Variants in KRTAP3-2 observed in about 807,000 individuals in gnomAD.
KRTAP3-2 encodes keratin-associated protein 3-2.
In KRTAP3-2, 2 loss-of-function variants were observed where a neutral mutation model predicts 5.4. That is an observed-to-expected ratio of 0.37 (90% CI 0.15 to 1.17). KRTAP3-2 has a LOEUF of 1.17. Ranked by LOEUF, KRTAP3-2 falls within the 50% of genes most tolerant of loss-of-function variation. KRTAP3-2 has a pLI of 0.37. For synonymous variants in KRTAP3-2, 49 were observed against 48.0 expected, an observed-to-expected ratio of 1.02 and a Z score of -0.08; for missense variants, 113 against 122.0, an observed-to-expected ratio of 0.93 and a Z score of 0.35.
rs1204422659 is a variant in KRTAP3-2 at position 40,999,765 on chromosome 17, A to G, written c.89T>C (p.Val30Ala). The part of the protein sequence containing the change: ...CSSDKSCRCG[V>A]CLPSTCPHTV... The stretch of plus-strand genomic sequence containing the variant: ...GTGTGGGCAGGTGCTGGGCAGGCAG[A>G]CTCCACAGCGGCAGGATTTGTCGGA... Residue 30 changes from valine to alanine, a missense_variant, in exon 1 of 1, where the codon GTC (valine) becomes GCC (alanine). Physicochemically the swap from Val to Ala is moderately conservative, Grantham distance 64. Transcript: ENST00000391587. 23 of 1,613,710 alleles carry G rather than the reference A, an allele frequency of 1.4e-5. No individual in the cohort carries two copies. Among genetic ancestry groups the G allele is most frequent in the Non-Finnish European group, 1.9e-5 (22 of 1,179,922 alleles).
chr17:40,999,269 G>GAAAATACCCAGTACA lies in KRTAP3-2; in HGVS notation c.*287_*288insTGTACTGGGTATTTT. 2.5e-6 allele frequency: 1 copy of GAAAATACCCAGTACA among 397,960 alleles called. No individual in the cohort carries two copies. The allele number at this position is 397,960 out of a possible 1,614,324, so 24.7% of individuals were successfully genotyped here. On this transcript the variant is annotated 3_prime_UTR_variant, in exon 1 of 1. Transcript: ENST00000391587. ...TGAAAATACCCAGTACAAGAAACAA[G>GAAAATACCCAGTACA]AGCCAGGAAGCAATATGATCAAGAA...
chr17:40,999,839 G>A lies in KRTAP3-2; in HGVS notation c.15C>T (p.Ala5=), dbSNP rs1455583920. 12 of 1,614,098 alleles carry A rather than the reference G, an allele frequency of 7.4e-6. No individual in the cohort carries two copies. The highest frequency in any genetic ancestry group is 3.3e-5 in the Admixed American group (2 of 60,026). MDCC[A]SRSCSVPTGP... ...CAGTGGGGACACTGCAGCTGCGAGAGGCACAGCAATCCATGGCAATGGGCG... is the reference window on the plus strand; with the variant it reads ...CAGTGGGGACACTGCAGCTGCGAGAAGCACAGCAATCCATGGCAATGGGCG... Residue 5 remains alanine (A), a synonymous_variant, in exon 1 of 1, where the codon GCC becomes GCT. Coordinates refer to ENST00000391587, the MANE Select transcript of KRTAP3-2 (RefSeq NM_031959.3).
rs548322379 is a variant in KRTAP3-2 at position 40,999,833 on chromosome 17, G to A, written c.21C>T (p.Arg7=). Residue 7 remains arginine (R), a synonymous_variant, in exon 1 of 1, where the codon CGC becomes CGT. Transcript: ENST00000391587. ...CAGGCCCAGTGGGGACACTGCAGCTGCGAGAGGCACAGCAATCCATGGCAA... is the reference window on the plus strand; with the variant it reads ...CAGGCCCAGTGGGGACACTGCAGCTACGAGAGGCACAGCAATCCATGGCAA... MDCCAS[R]SCSVPTGPAT... The A allele has an allele frequency of 6.2e-7, 1 of 1,613,862 alleles. No individual in the cohort carries two copies. Among genetic ancestry groups the A allele is most frequent in the Non-Finnish European group, 8.5e-7 (1 of 1,180,004 alleles).
In KRTAP3-2 at chr17:40,999,905, A is replaced by G. The variant is rs780183136; in HGVS notation, c.-52T>C. On this transcript the variant is annotated 5_prime_UTR_variant, in exon 1 of 1. Transcript: ENST00000391587. Reference sequence around the variant, plus strand: ...GTTTCTTAGATGAGGATTCTGAGGTACAAATGTCTCCTCTTTTGTTAGGGC... The same window carrying G: ...GTTTCTTAGATGAGGATTCTGAGGTGCAAATGTCTCCTCTTTTGTTAGGGC... The G allele has an allele frequency of 1.9e-6, 3 of 1,599,842 alleles. No individual in the cohort carries two copies. The highest frequency in any genetic ancestry group is 2.6e-6 in the Non-Finnish European group (3 of 1,171,378).
Position 40,999,649 on chromosome 17 carries a change from T to C in KRTAP3-2, c.205A>G (p.Asn69Asp). ...QPCVPTCFLL[N>D]SCQPTPGLET... Reference sequence around the variant, plus strand: ...AGGCCCGGAGTTGGCTGGCAGGAGTTGAGCAGGAAGCAGGTGGGCACGCAG... The same window carrying C: ...AGGCCCGGAGTTGGCTGGCAGGAGTCGAGCAGGAAGCAGGTGGGCACGCAG... The change falls in exon 1 of 1, where the codon AAC becomes GAC. Residue 69 changes from asparagine (N) to aspartate (D), a missense_variant. Transcript: ENST00000391587. 1 of 1,613,848 alleles carries C rather than the reference T, an allele frequency of 6.2e-7. No homozygotes were observed. Among genetic ancestry groups the C allele is most frequent in the Non-Finnish European group, 8.5e-7 (1 of 1,179,922 alleles).
At position 40,999,814 on chromosome 17, in the gene KRTAP3-2, C is replaced by T. The variant is rs1229520574; in HGVS notation, c.40G>A (p.Gly14Arg). 3 of 1,614,094 alleles carry T rather than the reference C, an allele frequency of 1.9e-6. No individual in the cohort carries two copies. The highest frequency in any genetic ancestry group is 1.1e-5 in the South Asian group (1 of 91,072). ...GAGGAGCAGATGGTGGTGGCAGGCCCAGTGGGGACACTGCAGCTGCGAGAG... is the reference window on the plus strand; with the variant it reads ...GAGGAGCAGATGGTGGTGGCAGGCCTAGTGGGGACACTGCAGCTGCGAGAG... Reference protein sequence around the residue: ...CASRSCSVPTGPATTICSSDK... With the variant: ...CASRSCSVPTRPATTICSSDK... The change falls in exon 1 of 1, where the codon GGG becomes AGG. Residue 14 changes from glycine (G) to arginine (R), a missense_variant. By Grantham distance (125) the Gly-to-Arg change is moderately radical (BLOSUM62 -2). Coordinates refer to ENST00000391587, the MANE Select transcript of KRTAP3-2 (RefSeq NM_031959.3).
At position 40,999,696 on chromosome 17, in the gene KRTAP3-2, G is replaced by A. The variant is rs150830376; in HGVS notation, c.158C>T (p.Pro53Leu). The A allele has an allele frequency of 6.6e-3, 10,595 of 1,614,052 alleles. 120 individuals are homozygous for A. Among genetic ancestry groups the A allele is most frequent in the South Asian group, 0.032 (2,908 of 91,084 alleles). The part of the protein sequence containing the change: ...LEPICCDNCP[P>L]PCHIPQPCVP... Reference sequence around the variant, plus strand: ...GCAGGGCTGAGGAATGTGGCAGGGTGGGGGACAGTTGTCACAGCAGATGGG... The same window carrying A: ...GCAGGGCTGAGGAATGTGGCAGGGTAGGGGACAGTTGTCACAGCAGATGGG... The change falls in exon 1 of 1, where the codon CCA (proline) becomes CTA (leucine). Residue 53 changes from proline to leucine, a missense_variant. Pro to Leu is a moderately conservative substitution (Grantham distance 98, BLOSUM62 -3). Transcript: ENST00000391587.
In KRTAP3-2 at chr17:40,999,506, G is replaced by A. The variant is rs3813047; in HGVS notation, c.*51C>T. The A allele has an allele frequency of 0.13, 199,897 of 1,591,328 alleles. 20,954 individuals are homozygous for A. The highest frequency in any genetic ancestry group is 0.54 in the African/African-American group (40,454 of 74,650). On this transcript the variant is annotated 3_prime_UTR_variant, in exon 1 of 1. Coordinates refer to ENST00000391587, the MANE Select transcript of KRTAP3-2 (RefSeq NM_031959.3). ...CTACTGAGGCAAGTGAATACTGAAG[G>A]GACAGCTTCTGGATTCTTCGTTGTC...
chr17:40,999,423 A>C lies in KRTAP3-2; in HGVS notation c.*134T>G. ...ATACTTTTCTTTTTTTCCCCCATTA[A>C]AACCAAAGGTAAGTTCTTCATATCT... On this transcript the variant is annotated 3_prime_UTR_variant, in exon 1 of 1. Coordinates refer to ENST00000391587, the MANE Select transcript of KRTAP3-2 (RefSeq NM_031959.3). The C allele has an allele frequency of 7.5e-7, 1 of 1,329,984 alleles. No homozygotes were observed. The highest frequency in any genetic ancestry group is 2.4e-5 in the East Asian group (1 of 42,370). The allele number at this position is 1,329,984 out of a possible 1,614,324, so 82.4% of individuals were successfully genotyped here.
Position 40,999,316 on chromosome 17 carries a change from G to T in KRTAP3-2, c.*241C>A, listed in dbSNP as rs1374575200. Reference sequence around the variant, plus strand: ...AGAACATGTAATCTGAGGTCTTAAAGATTGAAACAGTATTTTGCTAATAAA... The same window carrying T: ...AGAACATGTAATCTGAGGTCTTAAATATTGAAACAGTATTTTGCTAATAAA... On this transcript the variant is annotated 3_prime_UTR_variant, in exon 1 of 1. Coordinates refer to ENST00000391587, the MANE Select transcript of KRTAP3-2 (RefSeq NM_031959.3). 1.7e-6 allele frequency: 1 copy of T among 575,814 alleles called. No homozygotes were observed. The highest frequency in any genetic ancestry group is 3.0e-6 in the Non-Finnish European group (1 of 336,514). 35.7% of individuals were successfully genotyped at this position (575,814 alleles called of 1,614,324 possible).
In KRTAP3-2 at chr17:40,999,890, T is replaced by C. The variant is rs2011773737; in HGVS notation, c.-37A>G. 3 of 1,608,146 alleles carry C rather than the reference T, an allele frequency of 1.9e-6. No individual in the cohort carries two copies. The highest frequency in any genetic ancestry group is 1.3e-5 in the African/African-American group (1 of 74,780). On this transcript the variant is annotated 5_prime_UTR_variant, in exon 1 of 1. Coordinates refer to ENST00000391587, the MANE Select transcript of KRTAP3-2 (RefSeq NM_031959.3). ...TCTGGTTAGCTTTCAGTTTCTTAGATGAGGATTCTGAGGTACAAATGTCTC... is the reference window on the plus strand; with the variant it reads ...TCTGGTTAGCTTTCAGTTTCTTAGACGAGGATTCTGAGGTACAAATGTCTC...
At position 40,999,815 on chromosome 17, in the gene KRTAP3-2, A is replaced by G. The variant is rs9890989; in HGVS notation, c.39T>C (p.Thr13=). ...CCASRSCSVP[T]GPATTICSSD... ...AGGAGCAGATGGTGGTGGCAGGCCC[A>G]GTGGGGACACTGCAGCTGCGAGAGG... Residue 13 remains threonine, a synonymous_variant, in exon 1 of 1, where the codon ACT becomes ACC. Transcript: ENST00000391587. 200,093 of 1,608,918 alleles carry G rather than the reference A, an allele frequency of 0.12. 21,112 individuals are homozygous for G. The highest frequency in any genetic ancestry group is 0.54 in the African/African-American group (40,076 of 74,062).
In KRTAP3-2 at chr17:40,999,832, T is replaced by C. The variant is rs9897046; in HGVS notation, c.22A>G (p.Ser8Gly). Residue 8 changes from serine (S) to glycine (G), a missense_variant, in exon 1 of 1, where the codon AGC (serine) becomes GGC (glycine). Physicochemically the swap from Ser to Gly is moderately conservative, Grantham distance 56. Transcript: ENST00000391587. MDCCASRSCSVPTGPATT... is the reference protein window; with the variant it reads MDCCASRGCSVPTGPATT... ...GCAGGCCCAGTGGGGACACTGCAGC[T>C]GCGAGAGGCACAGCAATCCATGGCA... 201,814 of 1,612,230 alleles carry C rather than the reference T, an allele frequency of 0.13. 21,122 individuals are homozygous for C. Among genetic ancestry groups the C allele is most frequent in the African/African-American group, 0.54 (40,284 of 74,408 alleles).
rs746487009 is a variant in KRTAP3-2, at chr17:40,999,226, C to A, written c.*331G>T. On this transcript the variant is annotated 3_prime_UTR_variant, in exon 1 of 1. Transcript: ENST00000391587. ...GAAATATAGTTTATTGGAAAACCCACCAAGAAATTTTCTTCTATGAAAATA... is the reference window on the plus strand; with the variant it reads ...GAAATATAGTTTATTGGAAAACCCAACAAGAAATTTTCTTCTATGAAAATA... The A allele has an allele frequency of 3.3e-4, 96 of 293,756 alleles. No individual in the cohort carries two copies. The highest frequency in any genetic ancestry group is 9.3e-4 in the Middle Eastern group (1 of 1,076). The allele number at this position is 293,756 out of a possible 1,614,324, so 18.2% of individuals were successfully genotyped here. A position where few individuals can be genotyped will look rare whatever the true frequency, so the allele number is the denominator to read the frequency against.
Position 40,999,807 on chromosome 17 carries a change from G to T in KRTAP3-2, c.47C>A (p.Ala16Asp), listed in dbSNP as rs201052802. The T allele has an allele frequency of 1.2e-6, 2 of 1,614,164 alleles. No homozygotes were observed. Among genetic ancestry groups the T allele is most frequent in the East Asian group, 4.5e-5 (2 of 44,880 alleles). The change falls in exon 1 of 1, where the codon GCC becomes GAC. Residue 16 changes from alanine to aspartate, a missense_variant. Coordinates refer to ENST00000391587, the MANE Select transcript of KRTAP3-2 (RefSeq NM_031959.3). ...SRSCSVPTGP[A>D]TTICSSDKSC... ...TTTGTCGGAGGAGCAGATGGTGGTG[G>T]CAGGCCCAGTGGGGACACTGCAGCT...
Position 40,999,367 on chromosome 17 carries a change from A to C in KRTAP3-2, c.*190T>G, listed in dbSNP as rs1567872796. 6 of 872,270 alleles carry C rather than the reference A, an allele frequency of 6.9e-6. No individual in the cohort carries two copies. The highest frequency in any genetic ancestry group is 2.7e-5 in the East Asian group (1 of 37,302). The allele number at this position is 872,270 out of a possible 1,614,324, so 54.0% of individuals were successfully genotyped here. A position where few individuals can be genotyped will look rare whatever the true frequency, so the allele number is the denominator to read the frequency against. ...ACTCATTCACCTGCCCACAGGAACC[A>C]AATGGTTTTTCAGCTAAATAACCAT... On this transcript the variant is annotated 3_prime_UTR_variant, in exon 1 of 1. Coordinates refer to ENST00000391587, the MANE Select transcript of KRTAP3-2 (RefSeq NM_031959.3).
In KRTAP3-2 at chr17:40,999,619, T is replaced by C; in HGVS notation, c.235A>G (p.Thr79Ala). 2 of 1,613,562 alleles carry C rather than the reference T, an allele frequency of 1.2e-6. No homozygotes were observed. The highest frequency in any genetic ancestry group is 1.7e-6 in the Non-Finnish European group (2 of 1,179,890). ...TGAGTGAAGGTGGTGAGGTTGAGGGTCTCCAGGCCCGGAGTTGGCTGGCAG... is the reference window on the plus strand; with the variant it reads ...TGAGTGAAGGTGGTGAGGTTGAGGGCCTCCAGGCCCGGAGTTGGCTGGCAG... The part of the protein sequence containing the change: ...NSCQPTPGLE[T>A]LNLTTFTQPC... Residue 79 changes from threonine to alanine, a missense_variant, in exon 1 of 1, where the codon ACC (threonine) becomes GCC (alanine). Physicochemically the swap from Thr to Ala is moderately conservative, Grantham distance 58 (BLOSUM62 0). Coordinates refer to ENST00000391587, the MANE Select transcript of KRTAP3-2 (RefSeq NM_031959.3).
Position 40,999,527 on chromosome 17 carries a change from T to C in KRTAP3-2, c.*30A>G, listed in dbSNP as rs1245942733. The C allele has an allele frequency of 6.2e-7, 1 of 1,607,290 alleles. No individual in the cohort carries two copies. The highest frequency in any genetic ancestry group is 1.7e-5 in the Admixed American group (1 of 59,792). On this transcript the variant is annotated 3_prime_UTR_variant, in exon 1 of 1. Transcript: ENST00000391587. ...GAAGGGACAGCTTCTGGATTCTTCG[T>C]TGTCGGGCACTGAGCAAAGTAGCCA... is the stretch of plus-strand genomic sequence containing the variant.
Position 40,999,500 on chromosome 17 carries a change from C to T in KRTAP3-2, c.*57G>A. On this transcript the variant is annotated 3_prime_UTR_variant, in exon 1 of 1. Transcript: ENST00000391587. ...GGCAAACTACTGAGGCAAGTGAATA[C>T]TGAAGGGACAGCTTCTGGATTCTTC... The T allele has an allele frequency of 6.3e-7, 1 of 1,588,002 alleles. No homozygotes were observed. The highest frequency in any genetic ancestry group is 8.6e-7 in the Non-Finnish European group (1 of 1,164,562).
Sources: gnomAD v4.1 joint callset for allele counts on GRCh38, gnomAD v4.1.1 for gene constraint, MANE v1.5 for transcripts, NCBI Gene and HGNC (gene_info 2026-07-23, HGNC 2026-07-21) for gene names.